SOCS6: variants seen among roughly 807,000 people sequenced by gnomAD.
SOCS6 encodes the protein STAT induced STAT inhibitor-4.
Under a neutral mutation model 27.7 loss-of-function variants are expected in SOCS6, and 5 were observed. The ratio of observed to expected loss-of-function variants is 0.18; its 90% CI spans 0.09 to 0.38. The LOEUF (loss-of-function observed/expected upper bound fraction) is 0.38, where lower values mean the gene tolerates loss of function less well. Among genes scored for constraint, SOCS6 ranks in the 10% least tolerant of loss-of-function variants. The pLI, the probability that SOCS6 is intolerant of heterozygous loss-of-function variation, is 1.00. For synonymous variants in SOCS6, 271 were observed against 260.0 expected (o/e 1.04, Z -0.41); for missense variants, 595 against 688.1 (o/e 0.86, Z 1.51).
chr18:70,306,394 A>G (rs1265691883), intron 1 of SOCS6, among the ~76,000 whole-genome samples: 5 of 148,694 alleles, frequency 3.4e-5, no homozygotes, highest in Non-Finnish European at 5.9e-5. Flanking sequence ...GAGGCAGGAG[A>G]ATCTCTTGAA....
At chr18:70,321,522 TG>T (rs1166117450) in intron 1 of SOCS6, among the ~76,000 whole-genome samples, 5 of 144,352 alleles carry the variant, frequency 3.5e-5, no homozygotes, top group South Asian at 2.2e-4. Flanking sequence ...TTAGTAGAGA[TG>T]GGGTTTCACC....
At chr18:70,322,877 G>A (rs1911040847) in intron 1 of SOCS6, among the ~76,000 whole-genome samples, 1 of 152,028 alleles carries the variant, frequency 6.6e-6, no homozygotes, top group Non-Finnish European at 1.5e-5. Context: ...TAACTAAAAG[G>A]GGACAATTGT....
chr18:70,326,037 C>G lies in SOCS6; in HGVS notation c.1369C>G (p.Leu457Val), dbSNP rs779793539. 2 of 1,614,182 alleles carry G rather than the reference C, an allele frequency of 1.2e-6. No individual in the cohort carries two copies. Among genetic ancestry groups the G allele is most frequent in the Admixed American group, 1.7e-5 (1 of 60,028 alleles). The change falls in exon 2 of 2, where the codon CTA becomes GTA. Residue 457 changes from leucine (L) to valine (V), a missense_variant. By Grantham distance (32) the Leu-to-Val change is conservative. Transcript: ENST00000397942. Reference sequence around the variant, plus strand: ...GGAAGGACATACGTCCATAGTTGATCTAATTGAGCATTCAATCAGGGACTC... The same window carrying G: ...GGAAGGACATACGTCCATAGTTGATGTAATTGAGCATTCAATCAGGGACTC... ...DVEGHTSIVDLIEHSIRDSEN... is the reference protein window; with the variant it reads ...DVEGHTSIVDVIEHSIRDSEN...
intron 1 of SOCS6, among the ~76,000 whole-genome samples, chr18:70,300,319 A>G (rs980035557): frequency 3.9e-5 from 6 of 151,952 alleles, no homozygotes; most frequent in Non-Finnish European, 8.8e-5. Flanking sequence ...AGTAGAGACA[A>G]AGTTTCACCA....
intron 1 of SOCS6, among the ~76,000 whole-genome samples, chr18:70,305,914 G>A (rs2146273691): frequency 6.6e-6 from 1 of 152,050 alleles, no homozygotes; most frequent in East Asian, 1.9e-4. Context: ...TGTGTGTTGT[G>A]TGAGTTCCTT....
chr18:70,310,440 C>T (rs1399931126), intron 1 of SOCS6, among the ~76,000 whole-genome samples: 1 of 149,628 alleles, frequency 6.7e-6, no homozygotes, highest in Non-Finnish European at 1.5e-5. Flanking sequence ...CGTCACCATG[C>T]CTGGCTAATT....
At chr18:70,290,902 T>C (rs1343408999) in intron 1 of SOCS6, among the ~76,000 whole-genome samples, 3 of 152,188 alleles carry the variant, frequency 2.0e-5, no homozygotes, top group Non-Finnish European at 4.4e-5. Context: ...CACCCTCGGG[T>C]CATCCCATGA....
chr18:70,324,403 A>C (rs1263438643), intron 1 of SOCS6, 140 bp from the exon 2 acceptor site: 2 of 291,710 alleles, frequency 6.9e-6, no homozygotes, highest in South Asian at 5.5e-5. Flanking sequence ...CAATAGAAAG[A>C]AAGCCCGGTC....
chr18:70,312,266 T>C (rs1268291077), intron 1 of SOCS6, among the ~76,000 whole-genome samples: 1 of 152,198 alleles, frequency 6.6e-6, no homozygotes, highest in Non-Finnish European at 1.5e-5. Flanking sequence ...TAGGCCAATA[T>C]GTGGTCTGTA....
chr18:70,293,421 G>A (rs1568595207), intron 1 of SOCS6, among the ~76,000 whole-genome samples: 1 of 152,156 alleles, frequency 6.6e-6, no homozygotes, highest in African/African-American at 2.4e-5. Flanking sequence ...CTGACTGGCA[G>A]TGTAGACGCC....
intron 1 of SOCS6, among the ~76,000 whole-genome samples, chr18:70,289,757 C>G (rs572102425): frequency 6.6e-6 from 1 of 152,158 alleles, no homozygotes; most frequent in East Asian, 1.9e-4. Context: ...TGCCGCCGGC[C>G]GGCTGCGCAC....
chr18:70,320,060 C>T (rs1373604281), intron 1 of SOCS6, among the ~76,000 whole-genome samples: 3 of 151,722 alleles, frequency 2.0e-5, no homozygotes, highest in African/African-American at 7.3e-5. Context: ...GGTGTGATCT[C>T]AGCTCACTGC....
At chr18:70,294,878 C>G (rs1410140061) in intron 1 of SOCS6, among the ~76,000 whole-genome samples, 1 of 152,196 alleles carries the variant, frequency 6.6e-6, no homozygotes, top group East Asian at 1.9e-4. Flanking sequence ...CTCCTAACAG[C>G]GAACACACTA....
At chr18:70,299,825 A>G (rs1324505918) in intron 1 of SOCS6, among the ~76,000 whole-genome samples, 3 of 152,226 alleles carry the variant, frequency 2.0e-5, no homozygotes, top group South Asian at 2.1e-4. Context: ...ATAAGACAAC[A>G]AAAAATAATA....
chr18:70,298,384 ATAAT>A (rs1337693348), intron 1 of SOCS6, among the ~76,000 whole-genome samples: 1 of 152,180 alleles, frequency 6.6e-6, no homozygotes, highest in Non-Finnish European at 1.5e-5. Flanking sequence ...AAAATGTTAA[ATAAT>A]TGTTTTTTAA....
Position 70,296,906 on chromosome 18 carries a change from C to CTT in SOCS6, c.-127+7827_-127+7828dup, listed in dbSNP as rs375704179. ...TCCCTTTCATTTTCTCATTTTCTTT[C>CTT]TTTTTTTTTTTTCTGTCTTAAGCTC... is the stretch of plus-strand genomic sequence containing the variant. On this transcript the variant is annotated intron_variant, in intron 1 of 1. Transcript: ENST00000397942. 5.3e-4 allele frequency among the ~76,000 whole-genome samples: 69 copies of CTT among 129,166 alleles called. 1 individual carries two copies. The highest frequency in any genetic ancestry group is 9.4e-4 in the Non-Finnish European group (60 of 63,518). 84.7% of individuals were successfully genotyped at this position (129,166 alleles called of 152,430 possible).
At chr18:70,302,321 T>C (rs1382201235) in intron 1 of SOCS6, among the ~76,000 whole-genome samples, 4 of 150,194 alleles carry the variant, frequency 2.7e-5, no homozygotes, top group African/African-American at 9.9e-5. Context: ...AATGAGGGAG[T>C]GTTCCAGGGG....
At chr18:70,300,013 G>A (rs560337227) in intron 1 of SOCS6, among the ~76,000 whole-genome samples, 7 of 152,220 alleles carry the variant, frequency 4.6e-5, no homozygotes, top group East Asian at 3.9e-4. Context: ...AGGGATGACC[G>A]TATACGTATA....
chr18:70,317,611 A>T (rs960232685), intron 1 of SOCS6, among the ~76,000 whole-genome samples: 1 of 151,550 alleles, frequency 6.6e-6, no homozygotes, highest in Non-Finnish European at 1.5e-5. Context: ...TCATTGGTTG[A>T]TGGACGTTGG....
Sources: gnomAD v4.1 joint callset for allele counts (sites outside exome capture counted in the v4.1 genomes callset) on GRCh38, gnomAD v4.1.1 for gene constraint, MANE v1.5 for transcripts, NCBI Gene and HGNC (gene_info 2026-07-23, HGNC 2026-07-21) for gene names.